BMI1: variants seen among roughly 807,000 people sequenced by gnomAD.
BMI1 encodes the protein polycomb complex protein BMI-1.
BMI1 carries 9 observed loss-of-function variants against 39.1 expected under a neutral mutation model. That is an observed-to-expected ratio of 0.23 (90% confidence interval 0.14 to 0.40). BMI1 has a LOEUF of 0.40. Ranked by LOEUF, BMI1 falls within the 10% of genes least tolerant of loss-of-function variation. The pLI is 1.00. For missense variants in BMI1, 252 were observed against 390.8 expected (o/e 0.64, Z 2.99); for synonymous variants, 131 against 127.9 (o/e 1.02, Z -0.16).
At position 22,327,014 on chromosome 10, in the gene BMI1, G is replaced by A. The variant is rs756736717; in HGVS notation, c.209+28G>A. ...AGGAAACTGTTGAAATTCCTTGTTT[G>A]TAATTATTATTGGAGTTGTATAATT... On this transcript the variant is annotated intron_variant, in intron 3 of 9. Coordinates refer to ENST00000376663, the MANE Select transcript of BMI1 (RefSeq NM_005180.9). 10 of 1,605,124 alleles carry A rather than the reference G, an allele frequency of 6.2e-6. No individual in the cohort carries two copies. In the South Asian group the frequency reaches 1.1e-4, roughly 18 times the overall value.
At chr10:22,328,236 A>G (rs1836203426) in intron 7 of BMI1, 57 bp downstream of exon 7, 2 of 1,548,826 alleles carry the variant, frequency 1.3e-6, no homozygotes, top group Admixed American at 4.3e-5. Flanking sequence ...TCCAGATTTT[A>G]TCAGGGATTG....
chr10:22,329,577 CCT>C lies in BMI1; in HGVS notation c.*36_*37del. Reference sequence around the variant, plus strand: ...CTGTTAAGGAAAAAAATTTTAAACCCCTGATTTATATAGATATCTTCATGCCA... The same window carrying C: ...CTGTTAAGGAAAAAAATTTTAAACCCGATTTATATAGATATCTTCATGCCA... On this transcript the variant is annotated 3_prime_UTR_variant, in exon 10 of 10. Coordinates refer to ENST00000376663, the MANE Select transcript of BMI1 (RefSeq NM_005180.9). The C allele has an allele frequency of 1.3e-6, 2 of 1,596,618 alleles. No individual in the cohort carries two copies. Among genetic ancestry groups the C allele is most frequent in the Non-Finnish European group, 8.5e-7 (1 of 1,170,530 alleles).
chr10:22,321,427 TTGGAGGTCGAGGCGGAGGCGGAGGAGG>T lies in BMI1; in HGVS notation c.-288_-262del. The T allele has an allele frequency of 6.4e-6, 1 of 156,432 alleles. No individual in the cohort carries two copies. Among genetic ancestry groups the T allele is most frequent in the South Asian group, 1.6e-4 (1 of 6,184 alleles). 9.7% of individuals were successfully genotyped at this position (156,432 alleles called of 1,614,324 possible). ...GGAGGAGGCCCCGGAGGAGGAGGCGTTGGAGGTCGAGGCGGAGGCGGAGGAGGAGGAGGCCGAGGCGCCGGAGGAGGC... is the reference window on the plus strand; with the variant it reads ...GGAGGAGGCCCCGGAGGAGGAGGCGTAGGAGGCCGAGGCGCCGGAGGAGGC... On this transcript the variant is annotated 5_prime_UTR_variant, in exon 1 of 10. Coordinates refer to ENST00000376663, the MANE Select transcript of BMI1 (RefSeq NM_005180.9).
chr10:22,324,450 A>G (rs951202845), intron 1 of BMI1, among the ~76,000 whole-genome samples: 2 of 152,250 alleles, frequency 1.3e-5, no homozygotes, highest in Non-Finnish European at 2.9e-5. Context: ...TTATGTTAAT[A>G]TGTTGACAAT....
chr10:22,321,842 C>A (rs1421305516), intron 1 of BMI1, 146 bp downstream of exon 1: 1 of 143,772 alleles, frequency 7.0e-6, no homozygotes, highest in Non-Finnish European at 1.5e-5. Context: ...GGCGCCCGGC[C>A]CCGCGCCCCG....
chr10:22,321,884 C>T (rs1284100657), intron 1 of BMI1, among the ~76,000 whole-genome samples, 188 bp downstream of exon 1: 1 of 143,244 alleles, frequency 7.0e-6, no homozygotes, highest in Admixed American at 6.9e-5. Flanking sequence ...CGGCCCCGCG[C>T]GCCGCCCTCC....
At chr10:22,323,083 C>T (rs547793516) in intron 1 of BMI1, among the ~76,000 whole-genome samples, 3 of 152,264 alleles carry the variant, frequency 2.0e-5, no homozygotes, top group East Asian at 1.9e-4. Context: ...AGTAGTTCAA[C>T]CTATATTTTA....
chr10:22,326,847 C>T (rs747756713), intron 2 of BMI1, 43 bp from the exon 3 acceptor site: 2 of 1,598,632 alleles, frequency 1.3e-6, no homozygotes, highest in African/African-American at 1.3e-5. Flanking sequence ...GATTTATCCA[C>T]TCATTTCTAA....
In BMI1 at chr10:22,328,055, A is replaced by T; in HGVS notation, c.422A>T (p.Asn141Ile). The change falls in exon 6 of 10, where the codon AAC (asparagine) becomes ATC (isoleucine). Residue 141 changes from asparagine to isoleucine, a missense_variant. Transcript: ENST00000376663. ...ISLSIEFFDQ[N>I]RLDRKVNKDK... ...TTATCCATTGAATTCTTTGACCAGA[A>T]CAGGTAAAATCTTTAGGCAATTTAT... is the stretch of plus-strand genomic sequence containing the variant. 6.2e-7 allele frequency: 1 copy of T among 1,600,728 alleles called. No individual in the cohort carries two copies. Among genetic ancestry groups the T allele is most frequent in the Admixed American group, 1.8e-5 (1 of 56,544 alleles).
In BMI1 at chr10:22,329,405, C is replaced by G; in HGVS notation, c.844C>G (p.Pro282Ala). 1 of 1,614,176 alleles carries G rather than the reference C, an allele frequency of 6.2e-7. No individual in the cohort carries two copies. Among genetic ancestry groups the G allele is most frequent in the Non-Finnish European group, 8.5e-7 (1 of 1,180,026 alleles). Reference protein sequence around the residue: ...LPSPSTPVQSPHPQFPHISST... With the variant: ...LPSPSTPVQSAHPQFPHISST... ...TAGCCCCAGTACTCCAGTGCAGTCT[C>G]CTCATCCACAGTTTCCTCACATTTC... The change falls in exon 10 of 10, where the codon CCT becomes GCT. Residue 282 changes from proline to alanine, a missense_variant. Physicochemically the swap from Pro to Ala is conservative, Grantham distance 27. Around this residue, in one of 4 missense-constraint regions of BMI1, gnomAD observed 96 missense variants for 120.2 expected, o/e 0.80. Transcript: ENST00000376663.
In BMI1 at chr10:22,326,314, A is replaced by G. The variant is rs1269211343; in HGVS notation, c.-19-117A>G. On this transcript the variant is annotated intron_variant, in intron 1 of 9. Transcript: ENST00000376663. ...ATTCCTTCTGTAGAAACGTTAGGACAGCCCAGCTGTACAGTGTTAAATGAG... is the reference window on the plus strand; with the variant it reads ...ATTCCTTCTGTAGAAACGTTAGGACGGCCCAGCTGTACAGTGTTAAATGAG... 3 of 1,398,230 alleles carry G rather than the reference A, an allele frequency of 2.1e-6. No homozygotes were observed. In the Admixed American group the frequency reaches 6.9e-5, roughly 32 times the overall value. 86.6% of individuals were successfully genotyped at this position (1,398,230 alleles called of 1,614,324 possible). A position where few individuals can be genotyped will look rare whatever the true frequency, so the allele number is the denominator to read the frequency against.
rs376521566 is a variant in BMI1 at position 22,329,387 on chromosome 10, A to G, written c.826A>G (p.Ser276Gly). ...PSTSSCLPSP[S>G]TPVQSPHPQF... is the part of the protein sequence containing the mutation. ...CACCTCTTCTTGTTTGCCTAGCCCC[A>G]GTACTCCAGTGCAGTCTCCTCATCC... The change falls in exon 10 of 10, where the codon AGT becomes GGT. Residue 276 changes from serine (S) to glycine (G), a missense_variant. By Grantham distance (56) the Ser-to-Gly change is moderately conservative (BLOSUM62 0). This residue lies in a region of BMI1 where 96 missense variants were observed against 120.2 expected (regional missense o/e 0.80). Coordinates refer to ENST00000376663, the MANE Select transcript of BMI1 (RefSeq NM_005180.9). The G allele has an allele frequency of 2.5e-6, 4 of 1,614,180 alleles. No individual in the cohort carries two copies. The highest frequency in any genetic ancestry group is 3.4e-6 in the Non-Finnish European group (4 of 1,180,028).
Position 22,328,198 on chromosome 10 carries a change from A to C in BMI1, c.471+19A>C. On this transcript the variant is annotated intron_variant, in intron 7 of 9. Coordinates refer to ENST00000376663, the MANE Select transcript of BMI1 (RefSeq NM_005180.9). ...GGAGGAGGTATGTTTCATGTTACAA[A>C]AACATATAGAAGAAACATTGTTTGG... The C allele has an allele frequency of 5.7e-6, 9 of 1,588,980 alleles. No homozygotes were observed. Among genetic ancestry groups the C allele is most frequent in the Non-Finnish European group, 7.7e-6 (9 of 1,172,718 alleles).
chr10:22,326,228 G>GT (rs1343734118), intron 1 of BMI1, among the ~76,000 whole-genome samples: 1 of 151,986 alleles, frequency 6.6e-6, no homozygotes, highest in Non-Finnish European at 1.5e-5. Flanking sequence ...GAGACCAGAA[G>GT]TAATGTTAGT....
rs1014450870 is a variant in BMI1, at chr10:22,331,334, A to G, written c.*1792A>G. ...AGTTATGGAAAACCTATAGAGGATT[A>G]CAACAGGTAAACGTTAAAGAGAATA... is the stretch of plus-strand genomic sequence containing the variant. On this transcript the variant is annotated 3_prime_UTR_variant, in exon 10 of 10. Coordinates refer to ENST00000376663, the MANE Select transcript of BMI1 (RefSeq NM_005180.9). 6.6e-6 allele frequency: 1 copy of G among 152,218 alleles called. No homozygotes were observed. Among genetic ancestry groups the G allele is most frequent in the Non-Finnish European group, 1.5e-5 (1 of 67,988 alleles). The allele number at this position is 152,218 out of a possible 1,614,324, so 9.4% of individuals were successfully genotyped here. A position where few individuals can be genotyped will look rare whatever the true frequency, so the allele number is the denominator to read the frequency against.
At chr10:22,322,764 G>A (rs922780134) in intron 1 of BMI1, among the ~76,000 whole-genome samples, 7 of 152,156 alleles carry the variant, frequency 4.6e-5, no homozygotes, top group Admixed American at 2.0e-4. Flanking sequence ...GTCAGCATAG[G>A]TCATTTGGCA....
Position 22,329,685 on chromosome 10 carries a change from A to G in BMI1, c.*143A>G. The G allele has an allele frequency of 1.7e-5, 16 of 965,590 alleles. No homozygotes were observed. Among genetic ancestry groups the G allele is most frequent in the Non-Finnish European group, 2.4e-5 (16 of 669,508 alleles). 59.8% of individuals were successfully genotyped at this position (965,590 alleles called of 1,614,324 possible). ...TAGTGACATTAAATTTGGCTATAAA[A>G]GATGGACTACATGTGATACTCCTAT... is the stretch of plus-strand genomic sequence containing the variant. On this transcript the variant is annotated 3_prime_UTR_variant, in exon 10 of 10. Transcript: ENST00000376663.
At chr10:22,328,753 C>G in intron 8 of BMI1, 55 bp downstream of exon 8, 5 of 1,498,318 alleles carry the variant, frequency 3.3e-6, no homozygotes, top group Non-Finnish European at 3.6e-6. Flanking sequence ...ATTTTAATTA[C>G]ATTTTTCACT....
chr10:22,323,945 G>GT (rs1406873668), intron 1 of BMI1, among the ~76,000 whole-genome samples: 1 of 152,226 alleles, frequency 6.6e-6, no homozygotes, highest in East Asian at 1.9e-4. Context: ...TTTTATATAA[G>GT]TAACAGTGGT....
Sources: allele counts gnomAD v4.1 joint callset (sites outside exome capture counted in the v4.1 genomes callset), GRCh38; gene constraint gnomAD v4.1.1; regional missense constraint gnomAD v4.1.1; transcripts MANE v1.5; gene names NCBI Gene and HGNC (gene_info 2026-07-23, HGNC 2026-07-21).